The following PARD3B variants were observed in gnomAD, a reference collection of about 807,000 sequenced individuals.
PARD3B encodes the protein par-3 family cell polarity regulator beta.
A neutral mutation model predicts 130.2 loss-of-function variants in PARD3B; 103 were observed. The ratio of observed to expected loss-of-function variants is 0.79; its 90% confidence interval spans 0.67 to 0.93. PARD3B has a LOEUF of 0.93. PARD3B is among the 40% of genes least tolerant of loss of function. PARD3B has a pLI of 0.00. For synonymous variants in PARD3B, 583 were observed against 553.2 expected (o/e 1.05, Z -0.76); for missense variants, 1,609 against 1,499.2 (o/e 1.07, Z -1.21).
chr2:204,839,052 C>T (rs1446806542), intron 2 of PARD3B, among the ~76,000 whole-genome samples: 1 of 152,028 alleles, frequency 6.6e-6, no homozygotes, highest in African/African-American at 2.4e-5. Flanking sequence ...GTTGATTTGC[C>T]AAATCTGTAG....
At chr2:205,324,621 C>T (rs1449960246) in intron 18 of PARD3B, among the ~76,000 whole-genome samples, 4 of 151,978 alleles carry the variant, frequency 2.6e-5, no homozygotes, top group Non-Finnish European at 5.9e-5. Context: ...GACACTATTC[C>T]AGCTGTCATA....
chr2:205,149,108 C>A (rs1279842314), intron 10 of PARD3B, among the ~76,000 whole-genome samples: 1 of 152,182 alleles, frequency 6.6e-6, no homozygotes, highest in Admixed American at 6.5e-5. Context: ...TTGGAACACT[C>A]TTAAGGTAAT....
chr2:205,600,199 A>C lies in PARD3B; in HGVS notation c.3261-15257A>C, dbSNP rs1044716019. Reference sequence around the variant, plus strand: ...GAAAGTGGACAGCCATGAATAGCTAAGAGAATATTTGCTAGAACCCGATGT... The same window carrying C: ...GAAAGTGGACAGCCATGAATAGCTACGAGAATATTTGCTAGAACCCGATGT... On this transcript the variant is annotated intron_variant, in intron 22 of 22. Coordinates refer to ENST00000406610, the MANE Select transcript of PARD3B (RefSeq NM_001302769.2). 3.9e-5 allele frequency among the ~76,000 whole-genome samples: 6 copies of C among 152,250 alleles called. No individual in the cohort carries two copies. The South Asian group carries it at 1.2e-3, about 31-fold the overall frequency.
At chr2:204,713,643 A>G (rs1276054468) in intron 2 of PARD3B, among the ~76,000 whole-genome samples, 2 of 152,000 alleles carry the variant, frequency 1.3e-5, no homozygotes, top group East Asian at 3.9e-4. Context: ...ACCTCATATA[A>G]GTGGAATTAT....
rs574481608 is a variant in PARD3B, at chr2:205,615,949, C to G, written c.*136C>G. On this transcript the variant is annotated 3_prime_UTR_variant, in exon 23 of 23. Transcript: ENST00000406610. ...AAGCTTTTTCTCACTGACATTGTAACGCATGACTGCTAATCAGAGAGAAAA... is the reference window on the plus strand; with the variant it reads ...AAGCTTTTTCTCACTGACATTGTAAGGCATGACTGCTAATCAGAGAGAAAA... 1.3e-6 allele frequency: 1 copy of G among 752,482 alleles called. No individual in the cohort carries two copies. The highest frequency in any genetic ancestry group is 2.6e-5 in the East Asian group (1 of 38,142). The allele number at this position is 752,482 out of a possible 1,614,324, so 46.6% of individuals were successfully genotyped here.
intron 2 of PARD3B, among the ~76,000 whole-genome samples, chr2:204,798,077 G>C (rs2042436426): frequency 6.6e-6 from 1 of 152,122 alleles, no homozygotes; most frequent in African/African-American, 2.4e-5. Flanking sequence ...ACCTTCATAA[G>C]AATCAAAAAT....
chr2:205,055,723 G>T (rs1164706562), intron 4 of PARD3B, among the ~76,000 whole-genome samples: 1 of 152,104 alleles, frequency 6.6e-6, no homozygotes, highest in Non-Finnish European at 1.5e-5. Flanking sequence ...TATTAAGTTG[G>T]TTGGTATGAG....
Position 205,301,526 on chromosome 2 carries a change from CAG to C in PARD3B, c.2456_2457del (p.Gln819ArgfsTer11), listed in dbSNP as rs2041997794. On this transcript the variant is annotated frameshift_variant, in exon 18 of 23. Coordinates refer to ENST00000406610, the MANE Select transcript of PARD3B (RefSeq NM_001302769.2). LOFTEE classifies it high-confidence loss of function. This position sits in a 1 kb window ranked among gnomAD's most constrained non-coding sequence, Gnocchi z 5.2. The part of the protein sequence containing the change: ...QGALNCESAP[Q>X]GNSELEDMEN... ...AGCTCTGAATTGTGAGTCTGCCCCT[CAG>C]GGGAATTCGGAGCTAGAGGACATGG... is the stretch of plus-strand genomic sequence containing the variant. 1 of 1,613,804 alleles carries C rather than the reference CAG, an allele frequency of 6.2e-7. No individual in the cohort carries two copies. Among genetic ancestry groups the C allele is most frequent in the South Asian group, 1.1e-5 (1 of 91,062 alleles).
chr2:204,948,860 T>A (rs1305301398), intron 2 of PARD3B, among the ~76,000 whole-genome samples: 1 of 152,200 alleles, frequency 6.6e-6, no homozygotes, highest in African/African-American at 2.4e-5. Flanking sequence ...ATAATGGTAT[T>A]TTTCCATGTC....
intron 18 of PARD3B, among the ~76,000 whole-genome samples, chr2:205,395,881 C>T (rs1376837683): frequency 6.6e-6 from 1 of 152,224 alleles, no homozygotes; most frequent in Non-Finnish European, 1.5e-5. Flanking sequence ...CTAACTCTGT[C>T]TCCTAGTTTC....
chr2:205,318,140 T>C (rs1156721243), intron 18 of PARD3B, among the ~76,000 whole-genome samples: 1 of 152,162 alleles, frequency 6.6e-6, no homozygotes, highest in African/African-American at 2.4e-5. Flanking sequence ...GTTCCTCCCA[T>C]TGATAGGTTT....
chr2:204,766,991 A>ATTTCATTT (rs1553519508), intron 2 of PARD3B, among the ~76,000 whole-genome samples: 12 of 98,676 alleles, frequency 1.2e-4, no homozygotes, highest in Non-Finnish European at 2.3e-4. Context: ...CACATTTTTT[A>ATTTCATTT]TTTTATTTTT....
chr2:204,720,198 A>C (rs2038930998), intron 2 of PARD3B, among the ~76,000 whole-genome samples: 1 of 152,218 alleles, frequency 6.6e-6, no homozygotes, highest in African/African-American at 2.4e-5. Context: ...GAGCCAGCAG[A>C]AATGATCCAT....
intron 20 of PARD3B, among the ~76,000 whole-genome samples, chr2:205,490,643 G>A (rs1324866544): frequency 6.6e-6 from 1 of 152,108 alleles, no homozygotes; most frequent in Non-Finnish European, 1.5e-5. Flanking sequence ...GGGATGGCTG[G>A]GTCAAATGGT....
At chr2:204,848,307 T>G (rs1367254347) in intron 2 of PARD3B, among the ~76,000 whole-genome samples, 1 of 152,280 alleles carries the variant, frequency 6.6e-6, no homozygotes, top group East Asian at 1.9e-4. Context: ...GTCTGTCTTT[T>G]AAGTTTATTC....
intron 15 of PARD3B, among the ~76,000 whole-genome samples, chr2:205,233,128 A>G (rs918356789): frequency 1.3e-5 from 2 of 152,224 alleles, no homozygotes; most frequent in Non-Finnish European, 2.9e-5. Context: ...GAACATCTAA[A>G]AAACAGGACG....
At chr2:205,193,979 G>A (rs542062104) in intron 15 of PARD3B, among the ~76,000 whole-genome samples, 2 of 152,222 alleles carry the variant, frequency 1.3e-5, no homozygotes, top group South Asian at 4.1e-4. Flanking sequence ...CAGAGCAAGG[G>A]CCCCTGTTAA....
At chr2:204,843,061 G>T (rs561812520) in intron 2 of PARD3B, among the ~76,000 whole-genome samples, 2 of 152,210 alleles carry the variant, frequency 1.3e-5, no homozygotes, top group South Asian at 4.1e-4. Flanking sequence ...TCCTGATTCA[G>T]TAGGTCTGAG....
chr2:205,239,333 T>C (rs1251521246), intron 15 of PARD3B, among the ~76,000 whole-genome samples: 1 of 152,178 alleles, frequency 6.6e-6, no homozygotes, highest in Admixed American at 6.5e-5. Context: ...TTATTGTCTT[T>C]ATGAACCTTC....
Sources: allele counts gnomAD v4.1 joint callset (sites outside exome capture counted in the v4.1 genomes callset), GRCh38; gene constraint gnomAD v4.1.1; non-coding constraint Gnocchi (gnomAD v3.1); transcripts MANE v1.5; gene names NCBI Gene and HGNC (gene_info 2026-07-23, HGNC 2026-07-21).